Variants in KCTD3 observed in about 807,000 individuals in gnomAD.
KCTD3 encodes the protein BTB/POZ domain-containing protein KCTD3.
Under a neutral mutation model 85.8 loss-of-function variants are expected in KCTD3, and 41 were observed. That is an observed-to-expected ratio of 0.48 (90% CI 0.37 to 0.62). The LOEUF (loss-of-function observed/expected upper bound fraction) is 0.62. Among genes scored for constraint, KCTD3 ranks in the 20% least tolerant of loss-of-function variants. The pLI is 0.00. For synonymous variants in KCTD3, 338 were observed against 345.4 expected (o/e 0.98, Z 0.24); for missense variants, 724 against 989.9 (o/e 0.73, Z 3.60).
intron 17 of KCTD3, among the ~76,000 whole-genome samples, chr1:215,619,751 C>G (rs1489230432): frequency 6.6e-6 from 1 of 151,982 alleles, no homozygotes; most frequent in Non-Finnish European, 1.5e-5. Flanking sequence ...GTCTGAAGAA[C>G]CAAGGGCTAA....
chr1:215,608,875 C>T (rs1486669554), intron 14 of KCTD3, among the ~76,000 whole-genome samples: 1 of 151,970 alleles, frequency 6.6e-6, no homozygotes, highest in Admixed American at 6.6e-5. Context: ...CCAGTTTTAA[C>T]AGTTGTTATA....
chr1:215,574,676 C>T (rs1659503986), intron 3 of KCTD3, among the ~76,000 whole-genome samples: 1 of 152,044 alleles, frequency 6.6e-6, no homozygotes, highest in Non-Finnish European at 1.5e-5. Context: ...CAGATATGTC[C>T]ATGTGAAATT....
At chr1:215,613,153 T>A (rs1185911195) in intron 15 of KCTD3, among the ~76,000 whole-genome samples, 1 of 152,170 alleles carries the variant, frequency 6.6e-6, no homozygotes, top group Non-Finnish European at 1.5e-5. Flanking sequence ...GGGAAAAAGT[T>A]TTTTGCATGT....
At chr1:215,599,245 C>T (rs908724756) in intron 10 of KCTD3, among the ~76,000 whole-genome samples, 3 of 151,594 alleles carry the variant, frequency 2.0e-5, no homozygotes, top group African/African-American at 4.8e-5. Flanking sequence ...TTGAGAAGAA[C>T]GTTATATTTG....
chr1:215,595,811 G>A (rs769285993), intron 10 of KCTD3, among the ~76,000 whole-genome samples: 1 of 152,130 alleles, frequency 6.6e-6, no homozygotes, highest in Non-Finnish European at 1.5e-5. Context: ...GTTCAGAGAT[G>A]ATAGCATGCT....
intron 6 of KCTD3, 24 bp from the exon 7 acceptor site, chr1:215,578,975 AT>A: frequency 6.8e-7 from 1 of 1,478,856 alleles, no homozygotes; most frequent in Non-Finnish European, 9.1e-7. Flanking sequence ...TTAGGAATGT[AT>A]TTGTTTTCTT....
rs2102613440 is a variant in KCTD3 at position 215,620,786 on chromosome 1, T to C, written c.*168T>C. The C allele has an allele frequency of 1.9e-6, 1 of 527,862 alleles. No homozygotes were observed. Among genetic ancestry groups the C allele is most frequent in the East Asian group, 3.1e-5 (1 of 31,942 alleles). 32.7% of individuals were successfully genotyped at this position (527,862 alleles called of 1,614,324 possible). On this transcript the variant is annotated 3_prime_UTR_variant, in exon 18 of 18. Coordinates refer to ENST00000259154, the MANE Select transcript of KCTD3 (RefSeq NM_016121.5). ...AATAATGAGATACAATAATCATATCTCTTTTGACATTTTGGAAATTTTTTT... is the reference window on the plus strand; with the variant it reads ...AATAATGAGATACAATAATCATATCCCTTTTGACATTTTGGAAATTTTTTT...
intron 1 of KCTD3, among the ~76,000 whole-genome samples, chr1:215,572,872 G>A (rs1199031384): frequency 6.6e-6 from 1 of 152,184 alleles, no homozygotes; most frequent in Admixed American, 6.5e-5. Flanking sequence ...AATGTGGAGT[G>A]AAAGTAGAGG....
Position 215,573,837 on chromosome 1 carries a change from C to A in KCTD3, c.135C>A (p.Ser45=). ...TLMWIPDSFF[S]SLLSGRISTL... is the part of the protein sequence containing the mutation. ...TGTGGATTCCAGATTCTTTTTTTTCCAGGTATGTCTTATAATTCTTTAGTG... is the reference window on the plus strand; with the variant it reads ...TGTGGATTCCAGATTCTTTTTTTTCAAGGTATGTCTTATAATTCTTTAGTG... The change falls in exon 2 of 18, where the codon TCC becomes TCA. Residue 45 remains serine (S), a splice_region_variant and synonymous_variant. Transcript: ENST00000259154. The A allele has an allele frequency of 6.5e-7, 1 of 1,540,440 alleles. No individual in the cohort carries two copies. Among genetic ancestry groups the A allele is most frequent in the Non-Finnish European group, 8.9e-7 (1 of 1,120,208 alleles).
At chr1:215,575,778 A>C in intron 3 of KCTD3, 123 bp from the exon 4 acceptor site, 2 of 578,540 alleles carry the variant, frequency 3.5e-6, no homozygotes. Context: ...TTAAAGTTTA[A>C]GAGTGGAAAC....
chr1:215,573,812 T>C lies in KCTD3; in HGVS notation c.110T>C (p.Met37Thr), dbSNP rs1234217509. Residue 37 changes from methionine (M) to threonine (T), a missense_variant, in exon 2 of 18, where the codon ATG becomes ACG. Met to Thr is a moderately conservative substitution (Grantham distance 81). Coordinates refer to ENST00000259154, the MANE Select transcript of KCTD3 (RefSeq NM_016121.5). The stretch of plus-strand genomic sequence containing the variant: ...TTTAGTACCTCAAGACAAACTCTTA[T>C]GTGGATTCCAGATTCTTTTTTTTCC... ...TRFSTSRQTL[M>T]WIPDSFFSSL... 6.3e-7 allele frequency: 1 copy of C among 1,577,406 alleles called. No individual in the cohort carries two copies. The highest frequency in any genetic ancestry group is 8.7e-7 in the Non-Finnish European group (1 of 1,151,890).
intron 1 of KCTD3, among the ~76,000 whole-genome samples, chr1:215,570,223 G>T (rs1342262832): frequency 6.6e-6 from 1 of 151,242 alleles, no homozygotes; most frequent in Non-Finnish European, 1.5e-5. Flanking sequence ...TATGCTATCG[G>T]TAAGGTCTTT....
At chr1:215,582,847 C>CCA (rs1659877206) in intron 8 of KCTD3, among the ~76,000 whole-genome samples, 1 of 152,168 alleles carries the variant, frequency 6.6e-6, no homozygotes, top group Admixed American at 6.5e-5. Flanking sequence ...CAGGCGTGAG[C>CCA]CACTGTGCCT....
At chr1:215,575,352 A>T (rs576794809) in intron 3 of KCTD3, among the ~76,000 whole-genome samples, 1 of 152,302 alleles carries the variant, frequency 6.6e-6, no homozygotes, top group Admixed American at 6.5e-5. Flanking sequence ...TTAAAAAAAA[A>T]AAATTGTCAT....
intron 1 of KCTD3, among the ~76,000 whole-genome samples, chr1:215,570,442 CA>C (rs780968071): frequency 1.3e-5 from 2 of 152,080 alleles, no homozygotes; most frequent in Non-Finnish European, 2.9e-5. Flanking sequence ...CTGTTATGGG[CA>C]AGTGTGATTT....
At chr1:215,584,610 G>A (rs181220251) in intron 8 of KCTD3, among the ~76,000 whole-genome samples, 103 of 152,240 alleles carry the variant, frequency 6.8e-4, no homozygotes, top group Admixed American at 1.7e-3. Flanking sequence ...ACTTACCCCA[G>A]ACAGGTCAGA....
At chr1:215,597,129 A>G (rs903588194) in intron 10 of KCTD3, among the ~76,000 whole-genome samples, 6 of 152,056 alleles carry the variant, frequency 3.9e-5, no homozygotes, top group Admixed American at 2.6e-4. Flanking sequence ...CCAGGTTTGT[A>G]TGTAATCTTA....
chr1:215,567,763 G>C lies in KCTD3; in HGVS notation c.78G>C (p.Gly26=), dbSNP rs985580163. The C allele has an allele frequency of 1.1e-5, 14 of 1,244,508 alleles. No homozygotes were observed. The highest frequency in any genetic ancestry group is 1.4e-5 in the Non-Finnish European group (14 of 988,036). The allele number at this position is 1,244,508 out of a possible 1,614,324, so 77.1% of individuals were successfully genotyped here. A position where few individuals can be genotyped will look rare whatever the true frequency, so the allele number is the denominator to read the frequency against. ...AGATCGTCCAACTGAACGTAGGGGG[G>C]ACCAGGTGAGTCGGCGGGTAGCGGG... ...SGEIVQLNVG[G]TRFSTSRQTL... The change falls in exon 1 of 18, where the codon GGG becomes GGC. Residue 26 remains glycine (G), a synonymous_variant. Coordinates refer to ENST00000259154, the MANE Select transcript of KCTD3 (RefSeq NM_016121.5).
chr1:215,595,365 G>T lies in KCTD3; in HGVS notation c.827G>T (p.Ser276Ile). The change falls in exon 10 of 18, where the codon AGC becomes ATC. Residue 276 changes from serine to isoleucine, a missense_variant. By Grantham distance (142) the Ser-to-Ile change is moderately radical (BLOSUM62 -2). Transcript: ENST00000259154. ...GGSGSEIGVF[S>I]LGVPVDALFF... ...TTTATTGTCATTTAAGGAGTGTTCA[G>T]CCTGGGTGTTCCTGTAGATGCTCTC... The T allele has an allele frequency of 6.2e-7, 1 of 1,605,202 alleles. No individual in the cohort carries two copies. Among genetic ancestry groups the T allele is most frequent in the Non-Finnish European group, 8.5e-7 (1 of 1,172,038 alleles).
Sources: allele counts gnomAD v4.1 joint callset (sites outside exome capture counted in the v4.1 genomes callset), GRCh38; gene constraint gnomAD v4.1.1; transcripts MANE v1.5; gene names NCBI Gene and HGNC (gene_info 2026-07-23, HGNC 2026-07-21).